Variants in NBAS observed in about 807,000 individuals in gnomAD.
NBAS encodes NBAS subunit of NRZ tethering complex.
Under a neutral mutation model 302.5 loss-of-function variants are expected in NBAS, and 219 were observed. That is an observed-to-expected ratio of 0.72 (90% CI 0.65 to 0.81). NBAS has a LOEUF of 0.81. Among genes scored for constraint, NBAS ranks in the 30% least tolerant of loss-of-function variants. The pLI, the probability that NBAS is intolerant of heterozygous loss-of-function variation, is 0.00. For missense variants in NBAS, 2,932 were observed against 2,841.6 expected (o/e 1.03, Z -0.72); for synonymous variants, 1,118 against 1,021.6 (o/e 1.09, Z -1.80).
At chr2:15,416,808 A>C (rs941688241) in intron 24 of NBAS, among the ~76,000 whole-genome samples, 4 of 151,342 alleles carry the variant, frequency 2.6e-5, no homozygotes, top group African/African-American at 9.7e-5. Flanking sequence ...TCCATCTGAA[A>C]AAAAGAAAAA....
At chr2:15,173,536 G>A (rs779891034) in intron 51 of NBAS, among the ~76,000 whole-genome samples, 1 of 152,132 alleles carries the variant, frequency 6.6e-6, no homozygotes, top group Non-Finnish European at 1.5e-5. Flanking sequence ...AAAGGACAAC[G>A]TAAGTATACG....
chr2:14,823,932 C>A, the NBAS span, among the ~76,000 whole-genome samples: 1 of 152,194 alleles, frequency 6.6e-6, no homozygotes. Flanking sequence ...GAAAACCAAA[C>A]CACTCCGAGG....
chr2:15,278,920 C>T (rs186703325), intron 42 of NBAS, among the ~76,000 whole-genome samples: 8 of 152,164 alleles, frequency 5.3e-5, no homozygotes, highest in Non-Finnish European at 7.4e-5. Context: ...GAAAGCAAAA[C>T]GCCTGTACAA....
intron 12 of NBAS, among the ~76,000 whole-genome samples, chr2:15,487,567 G>A (rs553754169): frequency 6.6e-6 from 1 of 152,244 alleles, no homozygotes; most frequent in African/African-American, 2.4e-5. Context: ...TGTTGCTGTA[G>A]GGTCAACTGT....
chr2:15,366,929 T>C (rs1471236311), intron 31 of NBAS, among the ~76,000 whole-genome samples: 1 of 152,174 alleles, frequency 6.6e-6, no homozygotes, highest in East Asian at 1.9e-4. Flanking sequence ...GCACAGGAAA[T>C]GAAGTGTTAA....
chr2:14,912,703 T>TAAAAA, the NBAS span, among the ~76,000 whole-genome samples: 27 of 78,532 alleles, frequency 3.4e-4, no homozygotes, highest in South Asian at 1.8e-3. Context: ...CATTCATTTT[T>TAAAAA]AAAAAAAAAA....
At chr2:15,243,017 A>G (rs950662293) in intron 44 of NBAS, among the ~76,000 whole-genome samples, 1 of 152,154 alleles carries the variant, frequency 6.6e-6, no homozygotes, top group African/African-American at 2.4e-5. Flanking sequence ...GGATGACATC[A>G]GCAAATCTTA....
At chr2:15,393,811 A>C in intron 28 of NBAS, 1 of 448,890 alleles carries the variant, frequency 2.2e-6, no homozygotes, top group South Asian at 1.7e-5. Flanking sequence ...TGGATGAATC[A>C]CAAAATAATT....
the NBAS span, among the ~76,000 whole-genome samples, chr2:15,132,685 AG>A: frequency 1.6e-4 from 24 of 152,102 alleles, no homozygotes; most frequent in African/African-American, 5.8e-4. Flanking sequence ...GGGGTGCGGC[AG>A]GGGGTAAACA....
the NBAS span, among the ~76,000 whole-genome samples, chr2:14,998,579 A>G: frequency 5.8e-3 from 876 of 152,306 alleles, 15 homozygotes; most frequent in South Asian, 0.033. Flanking sequence ...AAATTGGGGG[A>G]AACAGTAAAT....
At chr2:15,499,245 C>T (rs571619589) in intron 11 of NBAS, among the ~76,000 whole-genome samples, 2 of 152,268 alleles carry the variant, frequency 1.3e-5, no homozygotes, top group South Asian at 4.1e-4. Flanking sequence ...GTTCTTATAG[C>T]AGTGTGAGAA....
chr2:15,466,521 G>T (rs976329390), intron 19 of NBAS, among the ~76,000 whole-genome samples: 4 of 152,062 alleles, frequency 2.6e-5, no homozygotes, highest in African/African-American at 9.7e-5. Context: ...CCCAACATGG[G>T]GACATCTATG....
At chr2:15,153,284 T>C in the NBAS span, among the ~76,000 whole-genome samples, 1 of 152,140 alleles carries the variant, frequency 6.6e-6, no homozygotes, top group Non-Finnish European at 1.5e-5. Flanking sequence ...ATACAATACA[T>C]TTTTTAGCAA....
At chr2:15,061,188 G>A in the NBAS span, among the ~76,000 whole-genome samples, 3 of 152,142 alleles carry the variant, frequency 2.0e-5, no homozygotes, top group Admixed American at 2.0e-4. Context: ...TTCCATACAT[G>A]CACGTGCTCA....
At chr2:15,520,743 T>A (rs1572962594) in intron 9 of NBAS, among the ~76,000 whole-genome samples, 2 of 152,348 alleles carry the variant, frequency 1.3e-5, no homozygotes, top group East Asian at 3.8e-4. Flanking sequence ...GAGGTTTTTT[T>A]CAACAATTTA....
intron 44 of NBAS, among the ~76,000 whole-genome samples, chr2:15,267,496 CAAT>C (rs1030057471): frequency 5.9e-5 from 9 of 152,228 alleles, no homozygotes; most frequent in African/African-American, 2.2e-4. Context: ...TTAGCAACAA[CAAT>C]AACTATAAAA....
intron 6 of NBAS, among the ~76,000 whole-genome samples, chr2:15,543,389 T>C (rs976915186): frequency 1.3e-5 from 2 of 152,206 alleles, no homozygotes; most frequent in African/African-American, 4.8e-5. Context: ...CTGAGCCCCA[T>C]TATTTTCCAC....
rs780364785 is a variant in NBAS at position 15,238,697 on chromosome 2, A to ATAAT, written c.5725-12_5725-11insATTA. ...GGCTTCCACAGACAGCTTAAAAAAA[A>ATAAT]GAATAGTGAGACCAAAGAACCCTGC... On this transcript the variant is annotated splice_polypyrimidine_tract_variant and intron_variant, in intron 44 of 51. Transcript: ENST00000281513. The ATAAT allele has an allele frequency of 3.3e-5, 36 of 1,075,080 alleles. No individual in the cohort carries two copies. The East Asian group carries it at 9.4e-4, about 28-fold the overall frequency. 66.6% of individuals were successfully genotyped at this position (1,075,080 alleles called of 1,614,324 possible). A position where few individuals can be genotyped will look rare whatever the true frequency, so the allele number is the denominator to read the frequency against.
chr2:15,537,705 T>C (rs1663586281), intron 7 of NBAS, among the ~76,000 whole-genome samples: 1 of 152,178 alleles, frequency 6.6e-6, no homozygotes, highest in African/African-American at 2.4e-5. Flanking sequence ...CAAGACTCTA[T>C]CTTTAAAAAA....
Sources: allele counts gnomAD v4.1 joint callset (sites outside exome capture counted in the v4.1 genomes callset), GRCh38; gene constraint gnomAD v4.1.1; transcripts MANE v1.5; gene names NCBI Gene and HGNC (gene_info 2026-07-23, HGNC 2026-07-21).